TMEM165: variants seen among roughly 807,000 people sequenced by gnomAD.
The protein encoded by TMEM165 is putative divalent cation/proton antiporter TMEM165.
TMEM165 carries 19 observed loss-of-function variants against 30.0 expected under a neutral mutation model. That is an observed-to-expected ratio of 0.63 (90% CI 0.44 to 0.93). TMEM165 has a LOEUF of 0.93. Among genes scored for constraint, TMEM165 ranks in the 40% least tolerant of loss-of-function variants. The pLI is 0.00. For missense variants in TMEM165, 340 were observed against 417.0 expected (o/e 0.82, Z 1.61); for synonymous variants, 168 against 162.9 (o/e 1.03, Z -0.24).
At chr4:55,427,192 C>T (rs6848877), downstream of TMEM165, among the ~76,000 whole-genome samples, 4,078 of 151,778 alleles carry the variant, frequency 0.027, 188 homozygotes, top group African/African-American at 0.094. Flanking sequence ...CACTACCACG[C>T]CTGGCTAATT....
intron 1 of TMEM165, among the ~76,000 whole-genome samples, chr4:55,403,635 A>G (rs1344993341): frequency 6.6e-6 from 1 of 152,052 alleles, no homozygotes; most frequent in Non-Finnish European, 1.5e-5. Context: ...TGTTTCAGAC[A>G]TTATTAAAAT....
In TMEM165 at chr4:55,417,258, G is replaced by A. The variant is rs1453508198; in HGVS notation, c.609+11G>A. On this transcript the variant is annotated intron_variant, in intron 3 of 5. Transcript: ENST00000381334. ...AAGAAAGATGAAGAAGTAAGCCATG[G>A]CACTGTTGATCTGGACCAAAAAGGC... 1.2e-6 allele frequency: 2 copies of A among 1,608,440 alleles called. No individual in the cohort carries two copies. Among genetic ancestry groups the A allele is most frequent in the South Asian group, 2.2e-5 (2 of 90,028 alleles).
rs1002668987 is a variant in TMEM165 at position 55,426,161 on chromosome 4, G to C, written c.*709G>C. 6.6e-6 allele frequency: 1 copy of C among 152,094 alleles called. No homozygotes were observed. Among genetic ancestry groups the C allele is most frequent in the Non-Finnish European group, 1.5e-5 (1 of 68,002 alleles). The allele number at this position is 152,094 out of a possible 1,614,324, so 9.4% of individuals were successfully genotyped here. A position where few individuals can be genotyped will look rare whatever the true frequency, so the allele number is the denominator to read the frequency against. On this transcript the variant is annotated 3_prime_UTR_variant, in exon 6 of 6. Transcript: ENST00000381334. ...AACATAGATAACAATATAAATAAAA[G>C]TGGTATGACCAGTGCTTGTTTTTCC...
intron 3 of TMEM165, among the ~76,000 whole-genome samples, chr4:55,437,043 T>A (rs942421044): frequency 1.4e-4 from 21 of 152,146 alleles, no homozygotes; most frequent in Non-Finnish European, 7.4e-5. Context: ...CATAATAATT[T>A]AGAACTTGTT....
intron 3 of TMEM165, 66 bp downstream of exon 3, chr4:55,417,313 G>A: frequency 2.0e-6 from 3 of 1,489,476 alleles, no homozygotes; most frequent in Non-Finnish European, 2.7e-6. Context: ...CTCTACAGAG[G>A]TTTCTCAGTG....
At chr4:55,409,145 A>T (rs1277202478) in intron 1 of TMEM165, among the ~76,000 whole-genome samples, 1 of 152,138 alleles carries the variant, frequency 6.6e-6, no homozygotes, top group Admixed American at 6.5e-5. Flanking sequence ...AATTAAACTC[A>T]ATTCATTGAG....
intron 1 of TMEM165, among the ~76,000 whole-genome samples, chr4:55,396,728 T>C (rs2109510941): frequency 6.6e-6 from 1 of 152,330 alleles, no homozygotes; most frequent in Admixed American, 6.5e-5. Context: ...AAAAAGTTTT[T>C]AACAGAAGGC....
At chr4:55,399,552 G>T (rs891717919) in intron 1 of TMEM165, among the ~76,000 whole-genome samples, 8 of 152,144 alleles carry the variant, frequency 5.3e-5, no homozygotes, top group African/African-American at 1.9e-4. Flanking sequence ...CAGGTATTTT[G>T]TTGAAGTTTT....
intron 3 of TMEM165, chr4:55,443,647 C>A: frequency 6.7e-7 from 1 of 1,496,998 alleles, no homozygotes; most frequent in Non-Finnish European, 9.3e-7. Context: ...GCCTTCCAAC[C>A]ACTGATCACT....
At chr4:55,404,826 T>G (rs750470529) in intron 1 of TMEM165, among the ~76,000 whole-genome samples, 2 of 152,252 alleles carry the variant, frequency 1.3e-5, no homozygotes, top group Non-Finnish European at 2.9e-5. Context: ...CTCTACTGTT[T>G]AAGAATCCAT....
intron 1 of TMEM165, among the ~76,000 whole-genome samples, chr4:55,405,839 TC>T (rs1721248052): frequency 6.6e-6 from 1 of 152,240 alleles, no homozygotes; most frequent in Admixed American, 6.5e-5. Context: ...TGTAATGACT[TC>T]CCTCTTGCCT....
intron 3 of TMEM165, chr4:55,435,121 G>C (rs1722779019): frequency 2.5e-6 from 1 of 399,096 alleles, no homozygotes; most frequent in Non-Finnish European, 4.8e-6. Flanking sequence ...TCATTTCATA[G>C]CTGAGCTTCT....
At chr4:55,451,232 A>G (rs1229482264) in intron 3 of TMEM165, among the ~76,000 whole-genome samples, 2 of 152,156 alleles carry the variant, frequency 1.3e-5, no homozygotes, top group Non-Finnish European at 2.9e-5. Context: ...GTTCTTATTG[A>G]TCACCAATGA....
chr4:55,406,027 C>T (rs1007609444), intron 1 of TMEM165, among the ~76,000 whole-genome samples: 38 of 152,368 alleles, frequency 2.5e-4, no homozygotes, highest in South Asian at 4.1e-4. Context: ...AAGTTAGCCA[C>T]TCCATGAGTG....
In TMEM165 at chr4:55,435,951, A is replaced by G. The variant is rs113986413; in HGVS notation, c.408+11308A>G. On this transcript the variant is annotated intron_variant, in intron 3 of 3. Transcript: ENST00000608091. ...AGTTATGACTATATGAAAAACAAATACTCTGAGGCCAGACAGACAATGCCT... is the reference window on the plus strand; with the variant it reads ...AGTTATGACTATATGAAAAACAAATGCTCTGAGGCCAGACAGACAATGCCT... Among the ~76,000 whole-genome samples, 629 of 152,268 alleles carry G rather than the reference A, an allele frequency of 4.1e-3. 4 individuals carry two copies. The highest frequency in any genetic ancestry group is 0.015 in the African/African-American group (611 of 41,550).
chr4:55,400,342 AATTAT>A (rs1341008306), intron 1 of TMEM165, among the ~76,000 whole-genome samples: 1,821 of 62,710 alleles, frequency 0.029, 22 homozygotes, highest in Middle Eastern at 0.042. Context: ...ATATAATATT[AATTAT>A]ATTATATTAA....
rs1361376115 is a variant in TMEM165, at chr4:55,453,126, A to G, written c.*820A>G. On this transcript the variant is annotated 3_prime_UTR_variant, in exon 4 of 4. Transcript: ENST00000608091. ...GTCGTCTTTCAGCCCTAACTTCTGC[A>G]TAACTACAAATGGAAAAAATAATCA... 1.9e-6 allele frequency: 3 copies of G among 1,612,300 alleles called. No homozygotes were observed. The African/African-American group carries it at 4.0e-5, about 22-fold the overall frequency.
downstream of TMEM165, chr4:55,429,091 C>T (rs1165438125): frequency 6.6e-6 from 1 of 150,908 alleles, no homozygotes; most frequent in African/African-American, 2.4e-5. Context: ...AACTTAACTA[C>T]TGGCATAACC....
In TMEM165 at chr4:55,417,838, T is replaced by C; in HGVS notation, c.645T>C (p.Asp215=). The change falls in exon 4 of 6, where the codon GAT becomes GAC. Residue 215 remains aspartate (D), a synonymous_variant. Transcript: ENST00000381334. ...QRTKLLNGPG[D]VETGTSITVP... Reference sequence around the variant, plus strand: ...CCAAACTTTTAAATGGACCGGGAGATGTTGAAACGGGTACAAGCATAACAG... The same window carrying C: ...CCAAACTTTTAAATGGACCGGGAGACGTTGAAACGGGTACAAGCATAACAG... 6.2e-7 allele frequency: 1 copy of C among 1,612,346 alleles called. No homozygotes were observed. The highest frequency in any genetic ancestry group is 2.2e-5 in the East Asian group (1 of 44,862).
Sources: allele counts gnomAD v4.1 joint callset (sites outside exome capture counted in the v4.1 genomes callset), GRCh38; gene constraint gnomAD v4.1.1; transcripts MANE v1.5; gene names NCBI Gene and HGNC (gene_info 2026-07-23, HGNC 2026-07-21).